CFAP299: variants seen among roughly 807,000 people sequenced by gnomAD.
CFAP299 encodes the protein cilia and flagella associated protein 299, also known as cilia- and flagella-associated protein 299.
CFAP299 carries 21 observed loss-of-function variants against 27.0 expected under a neutral mutation model. That is an observed-to-expected ratio of 0.78 (90% CI 0.55 to 1.12). CFAP299 has a LOEUF of 1.12. Ranked by LOEUF, CFAP299 falls within the 50% of genes most tolerant of loss-of-function variation. The pLI is 0.00. For missense variants in CFAP299, 310 were observed against 276.6 expected (o/e 1.12, Z -0.86); for synonymous variants, 104 against 98.1 (o/e 1.06, Z -0.36).
intron 4 of CFAP299, among the ~76,000 whole-genome samples, chr4:80,893,265 T>G (rs1734436625): frequency 1.3e-5 from 2 of 151,652 alleles, no homozygotes; most frequent in South Asian, 4.1e-4. Flanking sequence ...CCCATGTTTA[T>G]GGATTGAAAA....
At chr4:80,499,454 G>A (rs1326921620) in intron 2 of CFAP299, among the ~76,000 whole-genome samples, 1 of 151,974 alleles carries the variant, frequency 6.6e-6, no homozygotes, top group Non-Finnish European at 1.5e-5. Flanking sequence ...TCCATGTAAT[G>A]ATTTAGCTTT....
At chr4:80,739,282 C>G (rs1374921523) in intron 3 of CFAP299, among the ~76,000 whole-genome samples, 1 of 152,060 alleles carries the variant, frequency 6.6e-6, no homozygotes, top group Non-Finnish European at 1.5e-5. Flanking sequence ...ATAATTAATT[C>G]TTGCTCTTTA....
chr4:80,785,142 T>A (rs868659776), intron 3 of CFAP299, among the ~76,000 whole-genome samples: 79 of 92,362 alleles, frequency 8.6e-4, no homozygotes, highest in African/African-American at 4.4e-3. Flanking sequence ...TCCTCTATGT[T>A]TTTTTTTTTT....
intron 3 of CFAP299, among the ~76,000 whole-genome samples, chr4:80,689,010 C>T (rs374412861): frequency 1.2e-4 from 18 of 152,160 alleles, no homozygotes; most frequent in African/African-American, 3.1e-4. Context: ...TAAAAAGAAA[C>T]GAGCAAAGCC....
chr4:80,751,941 T>A (rs766750962), intron 3 of CFAP299, among the ~76,000 whole-genome samples: 1 of 152,162 alleles, frequency 6.6e-6, no homozygotes, highest in East Asian at 1.9e-4. Flanking sequence ...CCAGGGATCC[T>A]GGGGCCAGAG....
chr4:80,653,388 A>T (rs1220401208), intron 3 of CFAP299, among the ~76,000 whole-genome samples: 1 of 143,420 alleles, frequency 7.0e-6, no homozygotes, highest in East Asian at 2.1e-4. Context: ...CAACTGGATT[A>T]TGTATACAGT....
rs1261475126 is a variant in CFAP299 at position 80,588,752 on chromosome 4, A to G, written c.333+5569A>G. On this transcript the variant is annotated intron_variant, in intron 3 of 5. Coordinates refer to ENST00000358105, the MANE Select transcript of CFAP299 (RefSeq NM_152770.3). The stretch of plus-strand genomic sequence containing the variant: ...TAATTAAGACAATTAAAAAATGATA[A>G]TAATAATGATTATAATTTCAGCAAT... 3.3e-5 allele frequency among the ~76,000 whole-genome samples: 5 copies of G among 152,186 alleles called. 1 individual carries two copies. Among genetic ancestry groups the G allele is most frequent in the African/African-American group, 7.2e-5 (3 of 41,442 alleles).
At chr4:80,521,593 T>C (rs1433270365) in intron 2 of CFAP299, among the ~76,000 whole-genome samples, 1 of 152,032 alleles carries the variant, frequency 6.6e-6, no homozygotes, top group Non-Finnish European at 1.5e-5. Context: ...CTGAAACTAT[T>C]CCCATTGACA....
chr4:80,753,004 G>A (rs545548382), intron 3 of CFAP299, among the ~76,000 whole-genome samples: 6 of 151,540 alleles, frequency 4.0e-5, no homozygotes, highest in Admixed American at 6.6e-5. Flanking sequence ...CCTTTAGCAC[G>A]TTTGTATTGT....
At chr4:80,919,225 C>G (rs1385714093) in intron 4 of CFAP299, among the ~76,000 whole-genome samples, 1 of 152,032 alleles carries the variant, frequency 6.6e-6, no homozygotes, top group Non-Finnish European at 1.5e-5. Flanking sequence ...CAGAATATTC[C>G]TAATTAGAAA....
intron 3 of CFAP299, among the ~76,000 whole-genome samples, chr4:80,732,145 C>A (rs79839697): frequency 0.015 from 2,260 of 151,800 alleles, 34 homozygotes; most frequent in African/African-American, 0.039. Context: ...GAAAAAAGAC[C>A]AATCTGATTG....
chr4:80,354,043 T>C (rs1723137958), intron 1 of CFAP299, among the ~76,000 whole-genome samples: 1 of 152,190 alleles, frequency 6.6e-6, no homozygotes, highest in Admixed American at 6.5e-5. Context: ...TGCAGACACT[T>C]ATTTAATATA....
rs542630527 is a variant in CFAP299 at position 80,488,152 on chromosome 4, G to A, written c.243-94941G>A. Among the ~76,000 whole-genome samples the A allele has an allele frequency of 6.9e-4, 105 of 152,266 alleles. No homozygotes were observed. In the Middle Eastern group the frequency reaches 0.034, roughly 49 times the overall value. On this transcript the variant is annotated intron_variant, in intron 2 of 5. Transcript: ENST00000358105. ...AATTAATCTGTGATGAGATCTCTAGGAATGTTAAAGTACATTAAGCTTTCA... is the reference window on the plus strand; with the variant it reads ...AATTAATCTGTGATGAGATCTCTAGAAATGTTAAAGTACATTAAGCTTTCA...
At position 80,475,746 on chromosome 4, in the gene CFAP299, C is replaced by T. The variant is rs376998038; in HGVS notation, c.243-107347C>T. On this transcript the variant is annotated intron_variant, in intron 2 of 5. Coordinates refer to ENST00000358105, the MANE Select transcript of CFAP299 (RefSeq NM_152770.3). Reference sequence around the variant, plus strand: ...TGTACGTTCAGAAATAGATAAGTGTCGCAAACAAATATTTGGTGTTTAAAA... The same window carrying T: ...TGTACGTTCAGAAATAGATAAGTGTTGCAAACAAATATTTGGTGTTTAAAA... 5.9e-5 allele frequency among the ~76,000 whole-genome samples: 9 copies of T among 152,228 alleles called. No homozygotes were observed. In the East Asian group the frequency reaches 1.5e-3, roughly 26 times the overall value.
At chr4:80,837,540 G>T (rs371955735) in intron 3 of CFAP299, among the ~76,000 whole-genome samples, 11 of 152,150 alleles carry the variant, frequency 7.2e-5, no homozygotes, top group Non-Finnish European at 1.5e-4. Context: ...GTGGTGTTTG[G>T]TTTTCTGTTC....
chr4:80,479,853 G>C (rs1730465541), intron 2 of CFAP299, among the ~76,000 whole-genome samples: 1 of 151,992 alleles, frequency 6.6e-6, no homozygotes, highest in African/African-American at 2.4e-5. Context: ...CCTGAATTAA[G>C]TGGACACCTG....
intron 2 of CFAP299, among the ~76,000 whole-genome samples, chr4:80,410,127 C>G (rs990622424): frequency 6.6e-6 from 1 of 152,130 alleles, no homozygotes; most frequent in Non-Finnish European, 1.5e-5. Flanking sequence ...AGGGAAGATG[C>G]AGAACAGATG....
At chr4:80,887,871 C>T (rs1037682430) in intron 4 of CFAP299, among the ~76,000 whole-genome samples, 10 of 151,722 alleles carry the variant, frequency 6.6e-5, no homozygotes, top group African/African-American at 2.4e-4. Context: ...TTCTTTTTGC[C>T]TGTTTGTATA....
At chr4:80,487,220 C>T (rs1413429058) in intron 2 of CFAP299, among the ~76,000 whole-genome samples, 1 of 152,164 alleles carries the variant, frequency 6.6e-6, no homozygotes, top group Non-Finnish European at 1.5e-5. Flanking sequence ...TGAGAACTCC[C>T]CTTAAGTCTT....
Sources: allele counts gnomAD v4.1 joint callset (sites outside exome capture counted in the v4.1 genomes callset), GRCh38; gene constraint gnomAD v4.1.1; transcripts MANE v1.5; gene names NCBI Gene and HGNC (gene_info 2026-07-23, HGNC 2026-07-21).